BCL2: variants seen among roughly 807,000 people sequenced by gnomAD.
BCL2 encodes apoptosis regulator Bcl-2.
BCL2 carries 1 observed loss-of-function variant against 14.2 expected under a neutral mutation model. The observed-to-expected ratio is 0.07, with a 90% CI of 0.02 to 0.33. The LOEUF is 0.33. Ranked by LOEUF, BCL2 falls within the 10% of genes least tolerant of loss-of-function variation. The probability of loss-of-function intolerance (pLI) is 0.99; values close to 1 mark genes in which losing one functional copy is unlikely to be tolerated. For missense variants in BCL2, 247 were observed against 305.9 expected, an observed-to-expected ratio of 0.81 and a Z score of 1.44; for synonymous variants, 151 against 137.2, an observed-to-expected ratio of 1.10 and a Z score of -0.70.
intron 2 of BCL2, among the ~76,000 whole-genome samples, chr18:63,240,441 T>C (rs1568243639): frequency 1.3e-5 from 2 of 152,246 alleles, no homozygotes; most frequent in African/African-American, 4.8e-5. Context: ...AAAGGAAGCC[T>C]TCCTTCAAAT....
chr18:63,222,096 C>T (rs568458354), intron 2 of BCL2, among the ~76,000 whole-genome samples: 21 of 151,904 alleles, frequency 1.4e-4, no homozygotes, highest in Admixed American at 1.4e-3. Context: ...GCCTGGCCAA[C>T]AAGGCTAAAT....
intron 2 of BCL2, among the ~76,000 whole-genome samples, chr18:63,294,868 A>G (rs1912756634): frequency 6.6e-6 from 1 of 152,008 alleles, no homozygotes; most frequent in South Asian, 2.1e-4. Context: ...GATAAGAAAT[A>G]ATTATAATTT....
At chr18:63,141,889 G>C (rs1914374213) in intron 2 of BCL2, among the ~76,000 whole-genome samples, 1 of 152,258 alleles carries the variant, frequency 6.6e-6, no homozygotes, top group Non-Finnish European at 1.5e-5. Context: ...CCTGCCATGT[G>C]ACTCGTGAAC....
At chr18:63,277,592 T>A (rs1483437498) in intron 2 of BCL2, among the ~76,000 whole-genome samples, 3 of 150,456 alleles carry the variant, frequency 2.0e-5, no homozygotes, top group Non-Finnish European at 4.4e-5. Context: ...TTTTTTTTTT[T>A]AAGGTATTTA....
At chr18:63,174,712 C>CG (rs1235876057) in intron 2 of BCL2, among the ~76,000 whole-genome samples, 3 of 149,558 alleles carry the variant, frequency 2.0e-5, no homozygotes, top group Admixed American at 1.4e-4. Flanking sequence ...CCCAGCTACT[C>CG]GGGGGGCTGA....
rs1291145324 is a variant in BCL2 at position 63,277,580 on chromosome 18, T to TC, written c.585+40501_585+40502insG. On this transcript the variant is annotated intron_variant, in intron 2 of 2. Transcript: ENST00000333681. ...GACAGAGGGAGATCATGTCCTTTTT[T>TC]TTTTTTTTTTTTAAGGTATTTATTA... is the stretch of plus-strand genomic sequence containing the variant. Among the ~76,000 whole-genome samples, 609 of 151,034 alleles carry TC rather than the reference T, an allele frequency of 4.0e-3. 3 individuals are homozygous for TC. The highest frequency in any genetic ancestry group is 0.014 in the African/African-American group (589 of 41,168).
At chr18:63,274,279 T>TC (rs1912087240) in intron 2 of BCL2, among the ~76,000 whole-genome samples, 1 of 130,600 alleles carries the variant, frequency 7.7e-6, no homozygotes, top group Non-Finnish European at 1.6e-5. Flanking sequence ...AAGATACTCT[T>TC]TTTTTTTTTT....
chr18:63,171,280 T>C (rs957128177), intron 2 of BCL2, among the ~76,000 whole-genome samples: 1 of 152,248 alleles, frequency 6.6e-6, no homozygotes, highest in South Asian at 2.1e-4. Context: ...TTCTAAGATC[T>C]GGCCTTTTAA....
At chr18:63,150,897 T>C (rs565808719) in intron 2 of BCL2, among the ~76,000 whole-genome samples, 3 of 152,052 alleles carry the variant, frequency 2.0e-5, no homozygotes, top group Admixed American at 2.0e-4. Context: ...GCTACTCCTG[T>C]CATATTTTTC....
chr18:63,273,348 G>A (rs994997190), intron 2 of BCL2, among the ~76,000 whole-genome samples: 1 of 152,150 alleles, frequency 6.6e-6, no homozygotes, highest in Non-Finnish European at 1.5e-5. Context: ...GAATCTCAGC[G>A]TAGAGATATG....
chr18:63,236,867 C>T (rs1309490167), intron 2 of BCL2, among the ~76,000 whole-genome samples: 1 of 152,170 alleles, frequency 6.6e-6, no homozygotes, highest in African/African-American at 2.4e-5. Context: ...GCTCTGGGCT[C>T]TTCTTGTTTA....
chr18:63,265,853 C>T (rs1291637592), intron 2 of BCL2, among the ~76,000 whole-genome samples: 1 of 152,032 alleles, frequency 6.6e-6, no homozygotes, highest in East Asian at 1.9e-4. Flanking sequence ...TGCATAACGA[C>T]TCATAACAAG....
intron 2 of BCL2, among the ~76,000 whole-genome samples, chr18:63,137,359 A>G (rs547049798): frequency 4.8e-4 from 73 of 152,270 alleles, no homozygotes; most frequent in African/African-American, 1.5e-3. Context: ...GAGGTGCAGG[A>G]CCATGTTTTA....
Position 63,212,056 on chromosome 18 carries a change from G to A in BCL2, c.586-83297C>T, listed in dbSNP as rs745906982. ...AAAATACTCCATTTAGGTCAGGTGT[G>A]GTGGCTCACGCCTGTAATCCCAGCA... On this transcript the variant is annotated intron_variant, in intron 2 of 2. Transcript: ENST00000333681. Among the ~76,000 whole-genome samples, 4 of 152,270 alleles carry A rather than the reference G, an allele frequency of 2.6e-5. No homozygotes were observed. In the East Asian group the frequency reaches 7.7e-4, roughly 29 times the overall value.
At chr18:63,197,829 C>T (rs1365573568) in intron 2 of BCL2, among the ~76,000 whole-genome samples, 1 of 152,020 alleles carries the variant, frequency 6.6e-6, no homozygotes, top group East Asian at 1.9e-4. Flanking sequence ...TGAACCTGTC[C>T]CCTGTGAGAG....
chr18:63,166,126 G>A (rs890480352), intron 2 of BCL2, among the ~76,000 whole-genome samples: 1 of 152,210 alleles, frequency 6.6e-6, no homozygotes, highest in African/African-American at 2.4e-5. Flanking sequence ...GGGACTGTGG[G>A]CTTGGGGGGC....
chr18:63,296,157 T>C lies in BCL2; in HGVS notation c.585+21925A>G, dbSNP rs553075046. 3.3e-5 allele frequency among the ~76,000 whole-genome samples: 5 copies of C among 152,356 alleles called. No homozygotes were observed. In the South Asian group the frequency reaches 1.0e-3, roughly 32 times the overall value. ...TCTAAGTGGGCTGTGTTCTATCATC[T>C]TTGGTACAGAAATAAAAGTAAATAT... On this transcript the variant is annotated intron_variant, in intron 2 of 2. Transcript: ENST00000333681.
At chr18:63,160,185 T>C (rs936242968) in intron 2 of BCL2, among the ~76,000 whole-genome samples, 4 of 152,172 alleles carry the variant, frequency 2.6e-5, no homozygotes, top group African/African-American at 9.7e-5. Flanking sequence ...CAAAGCCAAA[T>C]GTGTGGGAAG....
rs371914427 is a variant in BCL2, at chr18:63,168,438, G to A, written c.586-39679C>T. ...CCACCTGTCAACACTGGAACTGATC[G>A]CCCAGGCCAAATGTTGAGGTGGGGA... On this transcript the variant is annotated intron_variant, in intron 2 of 2. Transcript: ENST00000333681. Among the ~76,000 whole-genome samples, 16 of 152,236 alleles carry A rather than the reference G, an allele frequency of 1.1e-4. No individual in the cohort carries two copies. In the South Asian group the frequency reaches 1.5e-3, roughly 14 times the overall value.
Sources: allele counts gnomAD v4.1 joint callset (sites outside exome capture counted in the v4.1 genomes callset), GRCh38; gene constraint gnomAD v4.1.1; transcripts MANE v1.5; gene names NCBI Gene and HGNC (gene_info 2026-07-23, HGNC 2026-07-21).